Variants in SEMA5A observed in about 807,000 individuals in gnomAD.
SEMA5A encodes semaphorin 5A.
A neutral mutation model predicts 135.5 loss-of-function variants in SEMA5A; 55 were observed. That is an observed-to-expected ratio of 0.41 (90% CI 0.33 to 0.51). The LOEUF is 0.51. Ranked by LOEUF, SEMA5A falls within the 20% of genes least tolerant of loss-of-function variation. The pLI, the probability that SEMA5A is intolerant of heterozygous loss-of-function variation, is 0.37. For missense variants in SEMA5A, 1,290 were observed against 1,419.9 expected (o/e 0.91, Z 1.47); for synonymous variants, 580 against 546.5 (o/e 1.06, Z -0.85).
At chr5:9,327,976 T>C (rs947095581) in intron 4 of SEMA5A, among the ~76,000 whole-genome samples, 1 of 152,222 alleles carries the variant, frequency 6.6e-6, no homozygotes, top group Non-Finnish European at 1.5e-5. Flanking sequence ...GGACTATTCA[T>C]GCTTTAAATT....
At chr5:9,248,200 T>C (rs372214648) in intron 5 of SEMA5A, among the ~76,000 whole-genome samples, 1 of 152,180 alleles carries the variant, frequency 6.6e-6, no homozygotes, top group East Asian at 1.9e-4. Context: ...TAAGAGTTGG[T>C]GAATTTTTAA....
intron 5 of SEMA5A, among the ~76,000 whole-genome samples, chr5:9,313,737 G>A (rs1321864412): frequency 6.6e-6 from 1 of 152,172 alleles, no homozygotes; most frequent in Admixed American, 6.5e-5. Context: ...ACAAAGAGGT[G>A]TTGTCTCCAG....
rs143016297 is a variant in SEMA5A at position 9,053,319 on chromosome 5, T to A, written c.2689+768A>T. Among the ~76,000 whole-genome samples the A allele has an allele frequency of 4.1e-4, 62 of 152,304 alleles. 1 individual carries two copies. The East Asian group carries it at 0.012, about 29-fold the overall frequency. On this transcript the variant is annotated intron_variant, in intron 19 of 22. Coordinates refer to ENST00000382496, the MANE Select transcript of SEMA5A (RefSeq NM_003966.3). ...CACTTCACAGCGGTGCTCCCTGCTC[T>A]CCACCCTGATTTTCAACAACAAAAC...
intron 1 of SEMA5A, among the ~76,000 whole-genome samples, chr5:9,439,201 C>T (rs1397545918): frequency 6.6e-6 from 1 of 152,152 alleles, no homozygotes; most frequent in Non-Finnish European, 1.5e-5. Flanking sequence ...TCCTTGAAGC[C>T]AAAAGAGGAG....
intron 12 of SEMA5A, among the ~76,000 whole-genome samples, chr5:9,152,667 G>A (rs904850761): frequency 6.6e-6 from 1 of 152,196 alleles, no homozygotes; most frequent in African/African-American, 2.4e-5. Context: ...TCACTTTGCA[G>A]AGTGCTTAAA....
Position 9,186,624 on chromosome 5 carries a change from C to T in SEMA5A, c.1273+3643G>A, listed in dbSNP as rs188737430. On this transcript the variant is annotated intron_variant, in intron 11 of 22. Coordinates refer to ENST00000382496, the MANE Select transcript of SEMA5A (RefSeq NM_003966.3). ...ACTCCTGGATATGGTATAGCAAGTGCACCCAGACTGAAAGGACTCTAGCAT... is the reference window on the plus strand; with the variant it reads ...ACTCCTGGATATGGTATAGCAAGTGTACCCAGACTGAAAGGACTCTAGCAT... Among the ~76,000 whole-genome samples, 3 of 152,304 alleles carry T rather than the reference C, an allele frequency of 2.0e-5. No homozygotes were observed. The East Asian group carries it at 5.8e-4, about 29-fold the overall frequency.
chr5:9,397,710 A>C (rs532014314), intron 2 of SEMA5A, among the ~76,000 whole-genome samples: 1 of 152,348 alleles, frequency 6.6e-6, no homozygotes, highest in African/African-American at 2.4e-5. Flanking sequence ...GCTGCAGACA[A>C]GAATCAAGAT....
intron 1 of SEMA5A, among the ~76,000 whole-genome samples, 200 bp from the exon 2 acceptor site, chr5:9,438,052 G>T (rs1022882156): frequency 1.3e-5 from 2 of 152,150 alleles, no homozygotes; most frequent in African/African-American, 4.8e-5. Flanking sequence ...TGCACTAATG[G>T]ATTCTTTTTC....
chr5:9,219,640 C>T (rs13360017), intron 8 of SEMA5A, among the ~76,000 whole-genome samples: 3,318 of 152,158 alleles, frequency 0.022, 132 homozygotes, highest in African/African-American at 0.074. Context: ...ATCTACAAGC[C>T]AAGGAGAGAG....
chr5:9,400,123 A>G (rs964779459), intron 2 of SEMA5A, among the ~76,000 whole-genome samples: 5 of 152,286 alleles, frequency 3.3e-5, no homozygotes, highest in African/African-American at 1.2e-4. Flanking sequence ...ACACATGGAC[A>G]CAGCGAGGGG....
At chr5:9,373,840 C>G (rs892973366) in intron 3 of SEMA5A, among the ~76,000 whole-genome samples, 1 of 152,214 alleles carries the variant, frequency 6.6e-6, no homozygotes, top group African/African-American at 2.4e-5. Flanking sequence ...TTCCCACAAA[C>G]CAATTCCTAT....
At chr5:9,470,918 G>T (rs1168639183) in intron 1 of SEMA5A, among the ~76,000 whole-genome samples, 1 of 152,174 alleles carries the variant, frequency 6.6e-6, no homozygotes, top group Non-Finnish European at 1.5e-5. Context: ...ATTTTAATAT[G>T]AGTAGCTTAT....
intron 5 of SEMA5A, among the ~76,000 whole-genome samples, chr5:9,267,040 C>G (rs1457089933): frequency 6.6e-6 from 1 of 152,182 alleles, no homozygotes; most frequent in African/African-American, 2.4e-5. Context: ...ATATACCTTA[C>G]AGAGCTCTGC....
chr5:9,242,930 G>C (rs547801535), intron 5 of SEMA5A, among the ~76,000 whole-genome samples: 6 of 152,278 alleles, frequency 3.9e-5, no homozygotes, highest in African/African-American at 1.4e-4. Flanking sequence ...CTATGAAAAT[G>C]TGTTATAATA....
intron 5 of SEMA5A, among the ~76,000 whole-genome samples, chr5:9,307,667 G>A (rs1243637083): frequency 6.6e-6 from 1 of 152,012 alleles, no homozygotes; most frequent in Non-Finnish European, 1.5e-5. Flanking sequence ...ATTTTGGAAG[G>A]GACATACAGA....
At chr5:9,366,634 C>T (rs775938032) in intron 3 of SEMA5A, among the ~76,000 whole-genome samples, 5 of 152,272 alleles carry the variant, frequency 3.3e-5, no homozygotes, top group South Asian at 2.1e-4. Flanking sequence ...ATGATCCGTC[C>T]GCCTTAGCCT....
chr5:9,523,925 C>T (rs1736973862), intron 1 of SEMA5A, among the ~76,000 whole-genome samples: 1 of 132,814 alleles, frequency 7.5e-6, no homozygotes, highest in Non-Finnish European at 1.6e-5. Context: ...AGAGCTTTTG[C>T]AAATAGAGTT....
At chr5:9,068,869 G>A (rs546671717) in intron 16 of SEMA5A, among the ~76,000 whole-genome samples, 80 of 152,202 alleles carry the variant, frequency 5.3e-4, no homozygotes, top group South Asian at 2.5e-3. Flanking sequence ...AATGTATTAC[G>A]GTAAAAGACT....
chr5:9,134,116 G>T (rs1741595398), intron 13 of SEMA5A, among the ~76,000 whole-genome samples: 1 of 152,136 alleles, frequency 6.6e-6, no homozygotes, highest in South Asian at 2.1e-4. Context: ...CAGCCATGCA[G>T]AACTGTAAGT....
Sources: allele counts gnomAD v4.1 joint callset (sites outside exome capture counted in the v4.1 genomes callset), GRCh38; gene constraint gnomAD v4.1.1; transcripts MANE v1.5; gene names NCBI Gene and HGNC (gene_info 2026-07-23, HGNC 2026-07-21).